Variants in GNG12 observed in about 807,000 individuals in gnomAD.
GNG12 encodes the protein guanine nucleotide-binding protein G(I)/G(S)/G(O) subunit gamma-12.
For missense variants in GNG12, 69 were observed against 83.8 expected (o/e 0.82, Z 0.69); for synonymous variants, 28 against 29.7 (o/e 0.94, Z 0.19).
chr1:67,789,541 A>G (rs1026476320), intron 1 of GNG12, among the ~76,000 whole-genome samples: 4 of 152,200 alleles, frequency 2.6e-5, no homozygotes, highest in African/African-American at 7.2e-5. Flanking sequence ...AGATTTTGCT[A>G]TATGTTGACA....
At chr1:67,753,023 A>T (rs1232456948) in intron 2 of GNG12, among the ~76,000 whole-genome samples, 1 of 152,094 alleles carries the variant, frequency 6.6e-6, no homozygotes, top group African/African-American at 2.4e-5. Flanking sequence ...CACTGCATTC[A>T]CTTTGTCATA....
chr1:67,729,089 G>T (rs1281130859), intron 2 of GNG12, among the ~76,000 whole-genome samples: 1 of 151,832 alleles, frequency 6.6e-6, no homozygotes, highest in Non-Finnish European at 1.5e-5. Flanking sequence ...CCTTGGGCAC[G>T]TTCTTCACAT....
intron 1 of GNG12, among the ~76,000 whole-genome samples, chr1:67,796,243 T>G (rs1472095944): frequency 6.6e-6 from 1 of 152,252 alleles, no homozygotes; most frequent in Admixed American, 6.5e-5. Flanking sequence ...AGTGTCTGAA[T>G]GCTGTGTATG....
intron 1 of GNG12, among the ~76,000 whole-genome samples, chr1:67,780,066 C>A (rs563345612): frequency 1.3e-4 from 20 of 152,336 alleles, no homozygotes; most frequent in African/African-American, 4.8e-4. Flanking sequence ...ACCACTGCCA[C>A]AGATGCAGCC....
chr1:67,798,749 A>T (rs968560571), intron 1 of GNG12, among the ~76,000 whole-genome samples: 1 of 152,066 alleles, frequency 6.6e-6, no homozygotes, highest in Non-Finnish European at 1.5e-5. Flanking sequence ...AGGTCAGGAG[A>T]TCGAGACCAT....
At chr1:67,804,347 C>T (rs895882788) in intron 1 of GNG12, among the ~76,000 whole-genome samples, 4 of 152,154 alleles carry the variant, frequency 2.6e-5, no homozygotes. Flanking sequence ...AAGACAACTT[C>T]GTGCCATTAG....
intron 2 of GNG12, among the ~76,000 whole-genome samples, chr1:67,730,559 C>T (rs1646413288): frequency 6.6e-6 from 1 of 151,706 alleles, no homozygotes; most frequent in South Asian, 2.1e-4. Context: ...CCATATAAGT[C>T]TATTTACATT....
chr1:67,779,605 C>T (rs1646725668), intron 1 of GNG12, among the ~76,000 whole-genome samples: 1 of 152,154 alleles, frequency 6.6e-6, no homozygotes, highest in Non-Finnish European at 1.5e-5. Context: ...CATCTCAGTT[C>T]AAAAGTCACC....
At chr1:67,809,729 C>T (rs1570567226) in intron 1 of GNG12, among the ~76,000 whole-genome samples, 1 of 152,034 alleles carries the variant, frequency 6.6e-6, no homozygotes, top group East Asian at 1.9e-4. Flanking sequence ...AACGAGATAC[C>T]ACCACACACC....
intron 2 of GNG12, among the ~76,000 whole-genome samples, chr1:67,736,601 G>A (rs1219439648): frequency 6.6e-6 from 1 of 152,100 alleles, no homozygotes; most frequent in Non-Finnish European, 1.5e-5. Flanking sequence ...GCAGCCTGCA[G>A]GCTCAGCCTC....
chr1:67,752,636 C>T (rs1476529221), intron 2 of GNG12, among the ~76,000 whole-genome samples: 2 of 152,192 alleles, frequency 1.3e-5, no homozygotes, highest in African/African-American at 4.8e-5. Context: ...CTAGTTAATA[C>T]TTCTTTTCAA....
rs1452202504 is a variant in GNG12 at position 67,775,640 on chromosome 1, CAT to C, written c.-27+1816_-27+1817del. Among the ~76,000 whole-genome samples the C allele has an allele frequency of 3.3e-5, 5 of 152,316 alleles. No homozygotes were observed. In the East Asian group the frequency reaches 9.7e-4, roughly 29 times the overall value. ...CCTGTGCTAAGTACTACAAGGCAGG[CAT>C]ATATCGCCTTTAGCTCTCAAAGAGC... On this transcript the variant is annotated intron_variant, in intron 2 of 3. Transcript: ENST00000370982.
intron 2 of GNG12, among the ~76,000 whole-genome samples, chr1:67,717,179 C>G (rs1646330177): frequency 6.6e-6 from 1 of 152,102 alleles, no homozygotes; most frequent in Admixed American, 6.6e-5. Context: ...TTGATCCTCC[C>G]CATGTTTATT....
chr1:67,781,615 T>C (rs1044690487), intron 1 of GNG12, among the ~76,000 whole-genome samples: 4 of 152,154 alleles, frequency 2.6e-5, no homozygotes, highest in Non-Finnish European at 5.9e-5. Flanking sequence ...CTTCAGCAGC[T>C]GTAGGGAGGA....
intron 1 of GNG12, among the ~76,000 whole-genome samples, chr1:67,830,496 C>T (rs182464289): frequency 8.5e-5 from 13 of 152,214 alleles, no homozygotes; most frequent in South Asian, 6.2e-4. Context: ...AGTAAATAAC[C>T]GGATACCCTT....
chr1:67,788,428 C>T (rs1646782156), intron 1 of GNG12, among the ~76,000 whole-genome samples: 1 of 152,124 alleles, frequency 6.6e-6, no homozygotes, highest in Non-Finnish European at 1.5e-5. Context: ...GCCCCTACCT[C>T]CTGGGCTCAC....
chr1:67,780,210 G>A lies in GNG12; in HGVS notation c.-76-2703C>T, dbSNP rs984287870. On this transcript the variant is annotated intron_variant, in intron 1 of 3. Transcript: ENST00000370982. The stretch of plus-strand genomic sequence containing the variant: ...ATCCCCTTGGTAATCCTATGAGGAA[G>A]GTTCTTTTCATTATTCCATTTAGTA... Among the ~76,000 whole-genome samples the A allele has an allele frequency of 2.0e-5, 3 of 152,152 alleles. No individual in the cohort carries two copies. The East Asian group carries it at 5.8e-4, about 29-fold the overall frequency.
intron 2 of GNG12, among the ~76,000 whole-genome samples, chr1:67,758,729 C>T (rs1646584596): frequency 6.6e-6 from 1 of 152,210 alleles, no homozygotes; most frequent in Non-Finnish European, 1.5e-5. Context: ...AGCTAAGATG[C>T]TCCCTGTGGA....
At chr1:67,760,933 C>G (rs1178110272) in intron 2 of GNG12, among the ~76,000 whole-genome samples, 1 of 152,192 alleles carries the variant, frequency 6.6e-6, no homozygotes, top group Non-Finnish European at 1.5e-5. Flanking sequence ...TGACTTGAAA[C>G]AATCCTATAA....
Sources: allele counts gnomAD v4.1 joint callset (sites outside exome capture counted in the v4.1 genomes callset), GRCh38; gene constraint gnomAD v4.1.1; transcripts MANE v1.5; gene names NCBI Gene and HGNC (gene_info 2026-07-23, HGNC 2026-07-21).